MRPL9: variants seen among roughly 807,000 people sequenced by gnomAD.
MRPL9 encodes the protein large ribosomal subunit protein bL9m.
In MRPL9, 25 loss-of-function variants were observed where a neutral mutation model predicts 27.6. The observed-to-expected ratio is 0.91, with a 90% CI of 0.66 to 1.27. MRPL9 has a LOEUF of 1.27. Among genes scored for constraint, MRPL9 ranks in the 50% most tolerant of loss-of-function variants. The pLI is 0.00. For missense variants in MRPL9, 362 were observed against 338.0 expected (o/e 1.07, Z -0.56); for synonymous variants, 154 against 139.0 (o/e 1.11, Z -0.76).
At chr1:151,763,278 G>T (rs769422045) in intron 1 of MRPL9, 49 bp downstream of exon 1, 38 of 1,559,052 alleles carry the variant, frequency 2.4e-5, no homozygotes, top group Non-Finnish European at 3.2e-5. Context: ...TGCGCCTCCA[G>T]AAACAATACT....
rs780401001 is a variant in MRPL9, at chr1:151,762,881, A to G, written c.310+109T>C. On this transcript the variant is annotated intron_variant, in intron 2 of 6. Coordinates refer to ENST00000368830, the MANE Select transcript of MRPL9 (RefSeq NM_031420.4). ...TTCCTCTTCTCACATATAGAGTTGG[A>G]TTGTTTCCACAAAGAAAAAGCAAGG... The G allele has an allele frequency of 5.3e-6, 7 of 1,315,728 alleles. No homozygotes were observed. In the South Asian group the frequency reaches 8.3e-5, roughly 16 times the overall value. The allele number at this position is 1,315,728 out of a possible 1,614,324, so 81.5% of individuals were successfully genotyped here.
intron 1 of MRPL9, 34 bp downstream of exon 1, chr1:151,763,293 C>T: frequency 6.3e-7 from 1 of 1,575,256 alleles, no homozygotes; most frequent in South Asian, 1.2e-5. Context: ...AATACTCGAG[C>T]GTATCTACCC....
intron 3 of MRPL9, 88 bp downstream of exon 3, chr1:151,762,288 A>G: frequency 6.3e-7 from 1 of 1,591,188 alleles, no homozygotes; most frequent in Non-Finnish European, 8.6e-7. Context: ...TTTCATTTTC[A>G]AGTTAAGTTA....
In MRPL9 at chr1:151,762,240, T is replaced by C. The variant is rs1334791962; in HGVS notation, c.436-85A>G. Reference sequence around the variant, plus strand: ...CATCAAACTATTCCTATGTTGGACATTGGCTGGGCTTCTGCATTCCTGTTC... The same window carrying C: ...CATCAAACTATTCCTATGTTGGACACTGGCTGGGCTTCTGCATTCCTGTTC... On this transcript the variant is annotated intron_variant, in intron 3 of 6. Transcript: ENST00000368830. The C allele has an allele frequency of 5.7e-6, 9 of 1,569,546 alleles. 1 individual carries two copies. The African/African-American group carries it at 9.5e-5, about 17-fold the overall frequency.
rs1558127450 is a variant in MRPL9 at position 151,760,919 on chromosome 1, A to AT, written c.589-21_589-20insA. ...ACCAAGCTGCAAAAAAAAAAAAAAA[A>AT]AAAAAAATCTCAGCTCAAATGAACT... is the stretch of plus-strand genomic sequence containing the variant. On this transcript the variant is annotated intron_variant, in intron 5 of 6. Transcript: ENST00000368830. 25 of 1,550,214 alleles carry AT rather than the reference A, an allele frequency of 1.6e-5. No individual in the cohort carries two copies. The African/African-American group carries it at 3.1e-4, about 19-fold the overall frequency.
chr1:151,762,057 G>GGTTGGTAAGTCTTGTGACAAATA (rs1558128027), intron 4 of MRPL9, 48 bp downstream of exon 4: 3 of 1,580,112 alleles, frequency 1.9e-6, no homozygotes, highest in Non-Finnish European at 2.6e-6. Context: ...CTCAGGGTGA[G>GGTTGGTAAGTCTTGTGACAAATA]GTTGGTAAGT....
chr1:151,761,578 AAAG>A, intron 4 of MRPL9, 26 bp from the exon 5 acceptor site: 1 of 1,525,220 alleles, frequency 6.6e-7, no homozygotes. Context: ...AGTTTGAGTC[AAAG>A]GAGAGGAAAC....
At position 151,760,903 on chromosome 1, in the gene MRPL9, C is replaced by CAAAAAAAAAAAA. The variant is rs755031728; in HGVS notation, c.589-16_589-5dup. The CAAAAAAAAAAAA allele has an allele frequency of 5.9e-4, 566 of 953,074 alleles. 5 individuals are homozygous for CAAAAAAAAAAAA. The highest frequency in any genetic ancestry group is 6.2e-4 in the Non-Finnish European group (457 of 735,664). The allele number at this position is 953,074 out of a possible 1,614,324, so 59.0% of individuals were successfully genotyped here. A position where few individuals can be genotyped will look rare whatever the true frequency, so the allele number is the denominator to read the frequency against. On this transcript the variant is annotated splice_polypyrimidine_tract_variant and splice_region_variant and intron_variant, in intron 5 of 6. Coordinates refer to ENST00000368830, the MANE Select transcript of MRPL9 (RefSeq NM_031420.4). Reference sequence around the variant, plus strand: ...GTGGGGCAACCACAACACCAAGCTGCAAAAAAAAAAAAAAAAAAAAAAATC... The same window carrying CAAAAAAAAAAAA: ...GTGGGGCAACCACAACACCAAGCTGCAAAAAAAAAAAAAAAAAAAAAAAAAAAAAAAAAAATC...
At position 151,762,606 on chromosome 1, in the gene MRPL9, C is replaced by T. The variant is rs571337696; in HGVS notation, c.311-106G>A. On this transcript the variant is annotated intron_variant, in intron 2 of 6. Coordinates refer to ENST00000368830, the MANE Select transcript of MRPL9 (RefSeq NM_031420.4). Reference sequence around the variant, plus strand: ...TTAGTTTCTCACAGTGCTTATTTTTCCTAAAAGAAATGCTAATTCATATTC... The same window carrying T: ...TTAGTTTCTCACAGTGCTTATTTTTTCTAAAAGAAATGCTAATTCATATTC... The T allele has an allele frequency of 3.6e-5, 43 of 1,203,672 alleles. No individual in the cohort carries two copies. In the East Asian group the frequency reaches 6.4e-4, roughly 18 times the overall value. 74.6% of individuals were successfully genotyped at this position (1,203,672 alleles called of 1,614,324 possible). A position where few individuals can be genotyped will look rare whatever the true frequency, so the allele number is the denominator to read the frequency against.
intron 6 of MRPL9, 106 bp from the exon 7 acceptor site, chr1:151,760,287 G>C (rs1229581681): frequency 6.9e-7 from 1 of 1,451,154 alleles, no homozygotes; most frequent in Non-Finnish European, 9.5e-7. Context: ...TCAGAAAAAG[G>C]AGAGCTAGGG....
rs16833538 is a variant in MRPL9, at chr1:151,762,214, G to C, written c.436-59C>G. ...AAGAAAAATGAGCCCATGTTAAATA[G>C]CATCAAACTATTCCTATGTTGGACA... is the stretch of plus-strand genomic sequence containing the variant. On this transcript the variant is annotated intron_variant, in intron 3 of 6. Coordinates refer to ENST00000368830, the MANE Select transcript of MRPL9 (RefSeq NM_031420.4). 169,644 of 1,579,944 alleles carry C rather than the reference G, an allele frequency of 0.11. 9,769 individuals carry two copies. Among genetic ancestry groups the C allele is most frequent in the African/African-American group, 0.15 (11,432 of 74,176 alleles).
intron 5 of MRPL9, among the ~76,000 whole-genome samples, chr1:151,761,184 G>T (rs1330460947): frequency 6.6e-6 from 1 of 152,218 alleles, no homozygotes; most frequent in East Asian, 1.9e-4. Context: ...CAATTCTCCA[G>T]TGAGTCACAA....
rs190408438 is a variant in MRPL9 at position 151,761,728 on chromosome 1, G to A, written c.487-176C>T. Reference sequence around the variant, plus strand: ...TTGAAACCAGCCTGGCCAACATGGCGAAACCCTGTCTCTACCAAAAATACA... The same window carrying A: ...TTGAAACCAGCCTGGCCAACATGGCAAAACCCTGTCTCTACCAAAAATACA... On this transcript the variant is annotated intron_variant, in intron 4 of 6. Transcript: ENST00000368830. 2.3e-3 allele frequency among the ~76,000 whole-genome samples: 346 copies of A among 152,242 alleles called. 3 individuals carry two copies. The highest frequency in any genetic ancestry group is 9.3e-3 in the South Asian group (45 of 4,822).
At position 151,763,387 on chromosome 1, in the gene MRPL9, C is replaced by A. The variant is rs778861114; in HGVS notation, c.93G>T (p.Arg31=). The part of the protein sequence containing the change: ...LLRGGVQELL[R]PRHEGNAPDL... ...CAGGGGCGTTCCCTTCATGTCGCGG[C>A]CGCAGTAGCTCCTGGACGCCTCCCC... Residue 31 remains arginine (R), a synonymous_variant, in exon 1 of 7, where the codon CGG becomes CGT. Coordinates refer to ENST00000368830, the MANE Select transcript of MRPL9 (RefSeq NM_031420.4). The A allele has an allele frequency of 1.3e-6, 2 of 1,568,394 alleles. No homozygotes were observed. The highest frequency in any genetic ancestry group is 8.7e-7 in the Non-Finnish European group (1 of 1,155,752).
Position 151,760,921 on chromosome 1 carries a change from A to AAATAAAAAT in MRPL9, c.589-23_589-22insATTTTTATT. The AAATAAAAAT allele has an allele frequency of 3.2e-6, 5 of 1,540,780 alleles. No individual in the cohort carries two copies. In the African/African-American group the frequency reaches 7.3e-5, roughly 23 times the overall value. ...CAAGCTGCAAAAAAAAAAAAAAAAA[A>AAATAAAAAT]AAAAATCTCAGCTCAAATGAACTCT... is the stretch of plus-strand genomic sequence containing the variant. On this transcript the variant is annotated intron_variant, in intron 5 of 6. Coordinates refer to ENST00000368830, the MANE Select transcript of MRPL9 (RefSeq NM_031420.4).
In MRPL9 at chr1:151,759,787, G is replaced by A; in HGVS notation, c.*263C>T. ...TCCAATGGAGGAAGAAGCTAAACAG[G>A]TTTTGGATGGTTTCGGTCTACTGCA... On this transcript the variant is annotated 3_prime_UTR_variant, in exon 7 of 7. Transcript: ENST00000368830. 2.7e-6 allele frequency: 1 copy of A among 369,076 alleles called. No individual in the cohort carries two copies. The highest frequency in any genetic ancestry group is 4.8e-6 in the Non-Finnish European group (1 of 208,166). The allele number at this position is 369,076 out of a possible 1,614,324, so 22.9% of individuals were successfully genotyped here.
At chr1:151,763,239 C>A (rs1648197728) in intron 1 of MRPL9, 88 bp downstream of exon 1, 7 of 1,534,760 alleles carry the variant, frequency 4.6e-6, no homozygotes, top group Non-Finnish European at 5.3e-6. Flanking sequence ...AAGCCCGCCA[C>A]CCCCACATCG....
intron 5 of MRPL9, 102 bp from the exon 6 acceptor site, chr1:151,761,001 G>T: frequency 9.4e-7 from 1 of 1,069,218 alleles, no homozygotes; most frequent in Non-Finnish European, 1.3e-6. Context: ...AGGATTCCCT[G>T]CACAGGGATG....
At chr1:151,761,776 G>A (rs573884080) in intron 4 of MRPL9, among the ~76,000 whole-genome samples, 124 of 152,238 alleles carry the variant, frequency 8.1e-4, no homozygotes, top group African/African-American at 2.9e-3. Context: ...GCATGGTGGC[G>A]GGTGCCTGTA....
Sources: gnomAD v4.1 joint callset for allele counts (sites outside exome capture counted in the v4.1 genomes callset) on GRCh38, gnomAD v4.1.1 for gene constraint, MANE v1.5 for transcripts, NCBI Gene and HGNC (gene_info 2026-07-23, HGNC 2026-07-21) for gene names.